Variants in CPZ observed in about 807,000 individuals in gnomAD.
The protein encoded by CPZ is VEZT/CPZ fusion.
In CPZ, 103 loss-of-function variants were observed where a neutral mutation model predicts 61.8. The ratio of observed to expected loss-of-function variants is 1.67; its 90% CI spans 1.42 to 1.96. The LOEUF is 1.96. Ranked by LOEUF, CPZ falls within the 30% of genes most tolerant of loss-of-function variation. The pLI is 0.00. For synonymous variants in CPZ, 551 were observed against 373.7 expected (o/e 1.47, Z -5.47); for missense variants, 1,461 against 914.9 (o/e 1.60, Z -7.70).
intron 8 of CPZ, among the ~76,000 whole-genome samples, chr4:8,613,082 G>A (rs941136955): frequency 3.3e-5 from 5 of 151,916 alleles, no homozygotes; most frequent in Non-Finnish European, 7.4e-5. Flanking sequence ...CTGTGACTGG[G>A]GTCTGCAACA....
chr4:8,609,061 TCC>T (rs1356054766), intron 7 of CPZ, among the ~76,000 whole-genome samples: 1 of 123,642 alleles, frequency 8.1e-6, no homozygotes, highest in Non-Finnish European at 1.8e-5. Context: ...CCTCCCTCAC[TCC>T]CTCACTCACC....
chr4:8,607,996 G>A (rs1715188726), intron 7 of CPZ, among the ~76,000 whole-genome samples: 1 of 152,196 alleles, frequency 6.6e-6, no homozygotes, highest in Admixed American at 6.5e-5. Flanking sequence ...TGAGACCCGT[G>A]ATGATGCTGG....
rs967186596 is a variant in CPZ at position 8,611,047 on chromosome 4, C to A, written c.1228-980C>A. ...ATTCCCTCACTCTTTCACTTGCTCA[C>A]GCATTCGCTCACTCACTCATTCACT... is the stretch of plus-strand genomic sequence containing the variant. On this transcript the variant is annotated intron_variant, in intron 7 of 10. Transcript: ENST00000360986. 16 of 370,802 alleles carry A rather than the reference C, an allele frequency of 4.3e-5. No individual in the cohort carries two copies. The East Asian group carries it at 6.0e-4, about 14-fold the overall frequency. The allele number at this position is 370,802 out of a possible 1,614,324, so 23.0% of individuals were successfully genotyped here. A position where few individuals can be genotyped will look rare whatever the true frequency, so the allele number is the denominator to read the frequency against.
At chr4:8,605,575 C>G (rs1231646478) in intron 4 of CPZ, among the ~76,000 whole-genome samples, 3 of 146,728 alleles carry the variant, frequency 2.0e-5, no homozygotes, top group African/African-American at 7.6e-5. Context: ...ATCTATCCAT[C>G]CAGCCATCCA....
At position 8,614,344 on chromosome 4, in the gene CPZ, G is replaced by A. The variant is rs760591621; in HGVS notation, c.1364-15G>A. On this transcript the variant is annotated splice_polypyrimidine_tract_variant and intron_variant, in intron 8 of 10. Transcript: ENST00000360986. ...GGCTGACACCCCTGACGTCCCCGCT[G>A]TCTCTGTGCCACAGGCATGTCCGAT... The A allele has an allele frequency of 1.2e-5, 19 of 1,610,000 alleles. No individual in the cohort carries two copies. Among genetic ancestry groups the A allele is most frequent in the African/African-American group, 6.7e-5 (5 of 74,306 alleles).
In CPZ at chr4:8,617,437, C is replaced by G. The variant is rs191115681; in HGVS notation, c.1504-992C>G. 1.8e-4 allele frequency among the ~76,000 whole-genome samples: 27 copies of G among 152,258 alleles called. No individual in the cohort carries two copies. The East Asian group carries it at 4.1e-3, about 23-fold the overall frequency. On this transcript the variant is annotated intron_variant, in intron 9 of 10. Transcript: ENST00000360986. ...AGGGCTGCTTCCTGACCCTGTGGGC[C>G]CAGGCTCTTTGCTTCTGTGGACTCC... is the stretch of plus-strand genomic sequence containing the variant.
intron 4 of CPZ, 152 bp downstream of exon 4, chr4:8,604,340 G>A (rs972666515): frequency 9.2e-6 from 6 of 653,392 alleles, no homozygotes; most frequent in Admixed American, 3.1e-5. Flanking sequence ...CGTCCCGCTG[G>A]GCATGTGCAA....
intron 9 of CPZ, among the ~76,000 whole-genome samples, chr4:8,616,840 C>G (rs181783699): frequency 6.6e-6 from 1 of 152,158 alleles, no homozygotes; most frequent in Non-Finnish European, 1.5e-5. Context: ...CATTAAGCAG[C>G]GAAGTGTGGA....
intron 9 of CPZ, chr4:8,618,132 A>C: frequency 7.8e-6 from 3 of 384,960 alleles, no homozygotes; most frequent in Non-Finnish European, 9.6e-6. Flanking sequence ...AGTGGCAGGA[A>C]AGGGTTCTCT....
At chr4:8,619,230 G>C (rs756278604) in intron 10 of CPZ, 32 bp from the exon 11 acceptor site, 2 of 1,561,638 alleles carry the variant, frequency 1.3e-6, no homozygotes, top group South Asian at 2.4e-5. Flanking sequence ...TGCAGTCCTC[G>C]TGAGAATCAT....
At chr4:8,617,184 G>C (rs1193327632) in intron 9 of CPZ, among the ~76,000 whole-genome samples, 1 of 152,188 alleles carries the variant, frequency 6.6e-6, no homozygotes, top group South Asian at 2.1e-4. Context: ...GGGGTCAGCC[G>C]CGGTGGGATT....
intron 7 of CPZ, among the ~76,000 whole-genome samples, chr4:8,611,721 T>C (rs1048060695): frequency 4.0e-5 from 6 of 151,898 alleles, no homozygotes; most frequent in African/African-American, 1.2e-4. Flanking sequence ...TGTCTGTGTG[T>C]AACCTCAGGA....
chr4:8,597,871 G>A (rs1700199788), intron 1 of CPZ, among the ~76,000 whole-genome samples: 1 of 152,216 alleles, frequency 6.6e-6, no homozygotes, highest in African/African-American at 2.4e-5. Context: ...GTGAAATGGG[G>A]GAAATGGAGA....
intron 9 of CPZ, among the ~76,000 whole-genome samples, chr4:8,615,879 CCACA>C (rs1413484392): frequency 2.0e-5 from 3 of 152,208 alleles, no homozygotes; most frequent in African/African-American, 7.2e-5. Flanking sequence ...AAACAAAGCC[CCACA>C]CAAAGTAAAA....
chr4:8,614,480 C>G lies in CPZ; in HGVS notation c.1485C>G (p.Leu495=), dbSNP rs1216413398. ...YILWQHNKES[L]LNFVETVHRG... ...TCTGGCAGCACAACAAGGAGTCACT[C>G]CTGAATTTCGTGGAGACGGTGAGTT... The change falls in exon 9 of 11, where the codon CTC becomes CTG. Residue 495 remains leucine, a synonymous_variant. Transcript: ENST00000360986. 1.2e-6 allele frequency: 2 copies of G among 1,613,714 alleles called. No individual in the cohort carries two copies. Among genetic ancestry groups the G allele is most frequent in the Non-Finnish European group, 1.7e-6 (2 of 1,179,810 alleles).
At chr4:8,611,922 T>G (rs1205022617) in intron 7 of CPZ, 105 bp from the exon 8 acceptor site, 5 of 1,503,618 alleles carry the variant, frequency 3.3e-6, no homozygotes, top group Non-Finnish European at 4.6e-6. Flanking sequence ...CTCTCCTATC[T>G]GCAATGCAGG....
At position 8,601,193 on chromosome 4, in the gene CPZ, G is replaced by T. The variant is rs148013271; in HGVS notation, c.192G>T (p.Leu64=). ...AAYNHTTFPN[L]LQHRSWEVVE... ...ACAACCACACCACCTTCCCCAACCT[G>T]CTTCAGCACCGGTCGTGGGAGGTGG... Residue 64 remains leucine (L), a synonymous_variant, in exon 3 of 11, where the codon CTG becomes CTT. Transcript: ENST00000360986. 2.5e-6 allele frequency: 4 copies of T among 1,612,510 alleles called. No individual in the cohort carries two copies. The African/African-American group carries it at 5.3e-5, about 22-fold the overall frequency.
intron 2 of CPZ, chr4:8,600,913 G>A (rs1293661150): frequency 1.6e-6 from 2 of 1,283,168 alleles, no homozygotes; most frequent in Non-Finnish European, 2.0e-6. Flanking sequence ...CTGGTGGGTA[G>A]TTGAATCTGG....
intron 1 of CPZ, among the ~76,000 whole-genome samples, chr4:8,595,112 C>T (rs1184327060): frequency 6.6e-6 from 1 of 152,230 alleles, no homozygotes; most frequent in Non-Finnish European, 1.5e-5. Flanking sequence ...CAAAATATTC[C>T]AGCATTTTGG....
Sources: allele counts gnomAD v4.1 joint callset (sites outside exome capture counted in the v4.1 genomes callset), GRCh38; gene constraint gnomAD v4.1.1; transcripts MANE v1.5; gene names NCBI Gene and HGNC (gene_info 2026-07-23, HGNC 2026-07-21).